Variants in CHEK1 observed in about 807,000 individuals in gnomAD.
CHEK1 encodes serine/threonine-protein kinase Chk1.
CHEK1 carries 32 observed loss-of-function variants against 60.2 expected under a neutral mutation model. The ratio of observed to expected loss-of-function variants is 0.53; its 90% CI spans 0.40 to 0.71. The LOEUF is 0.71. Among genes scored for constraint, CHEK1 ranks in the 30% least tolerant of loss-of-function variants. The pLI is 0.00. For synonymous variants in CHEK1, 179 were observed against 187.2 expected, an observed-to-expected ratio of 0.96 and a Z score of 0.36; for missense variants, 399 against 564.6, an observed-to-expected ratio of 0.71 and a Z score of 2.97.
chr11:125,672,537 A>T, intron 13 of CHEK1: 2 of 1,603,080 alleles, frequency 1.2e-6, no homozygotes, highest in Non-Finnish European at 8.5e-7. Context: ...AATGAGCCAA[A>T]TAGAGTGATG....
chr11:125,664,839 C>G (rs187413546), intron 13 of CHEK1, among the ~76,000 whole-genome samples: 1 of 152,112 alleles, frequency 6.6e-6, no homozygotes, highest in Non-Finnish European at 1.5e-5. Flanking sequence ...ACAGAAAAAC[C>G]TTTGCCCAGA....
At chr11:125,673,641 A>C (rs1942324628) in intron 13 of CHEK1, among the ~76,000 whole-genome samples, 1 of 152,204 alleles carries the variant, frequency 6.6e-6, no homozygotes, top group Non-Finnish European at 1.5e-5. Context: ...CCTCCATGCC[A>C]ATATGCTAAG....
chr11:125,640,267 C>G (rs898844368), intron 8 of CHEK1, among the ~76,000 whole-genome samples: 1 of 152,104 alleles, frequency 6.6e-6, no homozygotes, highest in African/African-American at 2.4e-5. Flanking sequence ...TTTGGCCGGG[C>G]GCGGTGGCTC....
chr11:125,644,370 C>T (rs1003630937), intron 10 of CHEK1, 102 bp downstream of exon 10: 4 of 1,450,368 alleles, frequency 2.8e-6, no homozygotes, highest in Middle Eastern at 1.9e-4. Context: ...ACTTTTAAAT[C>T]ACATGTATTC....
intron 13 of CHEK1, among the ~76,000 whole-genome samples, chr11:125,665,919 A>C (rs1184256494): frequency 1.7e-5 from 1 of 58,560 alleles, no homozygotes; most frequent in Non-Finnish European, 3.5e-5. Flanking sequence ...GATTTCTTGA[A>C]TCTTGTTGAT....
Position 125,644,191 on chromosome 11 carries a change from A to C in CHEK1, c.1024A>C (p.Ile342Leu), listed in dbSNP as rs749381202. ...PSYIDKLVQG[I>L]SFSQPTCPDH... ...ATACATTGATAAATTGGTACAAGGG[A>C]TCAGCTTTTCCCAGCCCACATGTCC... The change falls in exon 10 of 13, where the codon ATC (isoleucine) becomes CTC (leucine). Residue 342 changes from isoleucine (I) to leucine (L), a missense_variant. Transcript: ENST00000438015. The C allele has an allele frequency of 6.2e-7, 1 of 1,614,186 alleles. No homozygotes were observed. Among genetic ancestry groups the C allele is most frequent in the Non-Finnish European group, 8.5e-7 (1 of 1,180,040 alleles).
At chr11:125,634,331 G>T (rs953318697) in intron 6 of CHEK1, among the ~76,000 whole-genome samples, 30 of 151,086 alleles carry the variant, frequency 2.0e-4, no homozygotes, top group Non-Finnish European at 3.7e-4. Flanking sequence ...TTTTTTTGTG[G>T]TTTTTTTTGA....
At chr11:125,634,467 C>T (rs1295146541) in intron 6 of CHEK1, among the ~76,000 whole-genome samples, 4 of 151,916 alleles carry the variant, frequency 2.6e-5, no homozygotes, top group African/African-American at 7.3e-5. Flanking sequence ...GGTCTACAGG[C>T]GTGCACCACC....
At chr11:125,647,697 A>G (rs1303467134) in intron 11 of CHEK1, among the ~76,000 whole-genome samples, 1 of 152,212 alleles carries the variant, frequency 6.6e-6, no homozygotes, top group East Asian at 1.9e-4. Flanking sequence ...ATATTTGCAT[A>G]TGCATATTGA....
chr11:125,634,508 T>TTC (rs1352559891), intron 6 of CHEK1, among the ~76,000 whole-genome samples: 3 of 151,796 alleles, frequency 2.0e-5, no homozygotes, highest in African/African-American at 7.3e-5. Context: ...GGGTTTTTTT[T>TTC]CACAGACGGT....
At chr11:125,627,946 G>C (rs1193756909) in intron 3 of CHEK1, 116 bp downstream of exon 3, 6 of 751,014 alleles carry the variant, frequency 8.0e-6, no homozygotes, top group Non-Finnish European at 1.2e-5. Flanking sequence ...CTGTGAAATT[G>C]GAATACATTA....
At position 125,635,752 on chromosome 11, in the gene CHEK1, T is replaced by C. The variant is rs1160950019; in HGVS notation, c.718+219T>C. The C allele has an allele frequency of 5.1e-5, 15 of 291,322 alleles. No individual in the cohort carries two copies. The East Asian group carries it at 9.0e-4, about 18-fold the overall frequency. The allele number at this position is 291,322 out of a possible 1,614,324, so 18.0% of individuals were successfully genotyped here. On this transcript the variant is annotated intron_variant, in intron 7 of 12. Coordinates refer to ENST00000438015, the MANE Select transcript of CHEK1 (RefSeq NM_001114122.3). ...TTAAAAATATTTTGGGGAGTGTATA[T>C]TCAGAGCAACTTGAATCTGCTCTTA... is the stretch of plus-strand genomic sequence containing the variant.
At chr11:125,635,385 A>C in intron 6 of CHEK1, 44 bp from the exon 7 acceptor site, 1 of 1,161,212 alleles carries the variant, frequency 8.6e-7, no homozygotes, top group Non-Finnish European at 1.2e-6. Context: ...TGAAATCTTT[A>C]TAATAAGAAC....
In CHEK1 at chr11:125,653,772, A is replaced by G. The variant is rs141332865; in HGVS notation, c.1260A>G (p.Arg420=). 3,483 of 1,592,816 alleles carry G rather than the reference A, an allele frequency of 2.2e-3. 66 individuals are homozygous for G. In the African/African-American group the frequency reaches 0.04, roughly 18 times the overall value. The change falls in exon 12 of 13, where the codon AGA becomes AGG. Residue 420 remains arginine (R), a synonymous_variant. Coordinates refer to ENST00000438015, the MANE Select transcript of CHEK1 (RefSeq NM_001114122.3). This position sits in a 1 kb window ranked among gnomAD's most constrained non-coding sequence, Gnocchi z 4.3. ...NQVTISTTDR[R]NNKLIFKVNL... ...TTACTATATCAACAACTGATAGGAGAAACAATAAACTCATTTTCAAAGTGA... is the reference window on the plus strand; with the variant it reads ...TTACTATATCAACAACTGATAGGAGGAACAATAAACTCATTTTCAAAGTGA...
intron 8 of CHEK1, chr11:125,643,020 C>G (rs1187439577): frequency 6.6e-6 from 1 of 152,222 alleles, no homozygotes; most frequent in East Asian, 1.9e-4. Flanking sequence ...TAATATTCTT[C>G]TTTATAAAGC....
chr11:125,631,725 G>A (rs1260720709), intron 5 of CHEK1, among the ~76,000 whole-genome samples: 1 of 151,690 alleles, frequency 6.6e-6, no homozygotes, highest in Non-Finnish European at 1.5e-5. Flanking sequence ...AGACATGGTG[G>A]TGCACACCTG....
intron 13 of CHEK1, among the ~76,000 whole-genome samples, chr11:125,662,810 C>G (rs991456741): frequency 6.6e-6 from 1 of 152,154 alleles, no homozygotes; most frequent in Non-Finnish European, 1.5e-5. Context: ...CACTCATTTC[C>G]AGAATGGCTG....
intron 5 of CHEK1, among the ~76,000 whole-genome samples, chr11:125,630,396 T>C (rs952026931): frequency 1.3e-5 from 2 of 151,886 alleles, no homozygotes; most frequent in Non-Finnish European, 2.9e-5. Flanking sequence ...CTGTAACCTC[T>C]ACCTCTCTGG....
Position 125,628,872 on chromosome 11 carries a change from A to G in CHEK1, c.290-360A>G, listed in dbSNP as rs78483511. ...GCCCAGACTTCCCCTTTGGCATTAT[A>G]TTTCAGGAATGAGAAAAATAATTAG... On this transcript the variant is annotated intron_variant, in intron 3 of 12. Transcript: ENST00000438015. Among the ~76,000 whole-genome samples, 18 of 152,330 alleles carry G rather than the reference A, an allele frequency of 1.2e-4. No individual in the cohort carries two copies. In the East Asian group the frequency reaches 3.5e-3, roughly 29 times the overall value.
Sources: gnomAD v4.1 joint callset for allele counts (sites outside exome capture counted in the v4.1 genomes callset) on GRCh38, gnomAD v4.1.1 for gene constraint, Gnocchi (gnomAD v3.1) non-coding constraint, MANE v1.5 for transcripts, NCBI Gene and HGNC (gene_info 2026-07-23, HGNC 2026-07-21) for gene names.